SLC1A7: variants seen among roughly 807,000 people sequenced by gnomAD.
The protein encoded by SLC1A7 is excitatory amino acid transporter 5.
A neutral mutation model predicts 47.7 loss-of-function variants in SLC1A7; 40 were observed. The observed-to-expected ratio is 0.84, with a 90% CI of 0.65 to 1.09. The LOEUF (loss-of-function observed/expected upper bound fraction) is 1.09. Among genes scored for constraint, SLC1A7 ranks in the 50% least tolerant of loss-of-function variants. SLC1A7 has a pLI of 0.00. For synonymous variants in SLC1A7, 323 were observed against 325.6 expected (o/e 0.99, Z 0.09); for missense variants, 746 against 769.5 (o/e 0.97, Z 0.36).
In SLC1A7 at chr1:53,140,677, C is replaced by T. The variant is rs546598767; in HGVS notation, c.135+1638G>A. 3.9e-5 allele frequency among the ~76,000 whole-genome samples: 6 copies of T among 152,294 alleles called. No individual in the cohort carries two copies. In the South Asian group the frequency reaches 1.2e-3, roughly 32 times the overall value. On this transcript the variant is annotated intron_variant, in intron 1 of 10. Transcript: ENST00000371494. Reference sequence around the variant, plus strand: ...GGAAGTAACACGTAGTAAGCACCTACTGTATGCTGGGCATTGATGAATCCT... The same window carrying T: ...GGAAGTAACACGTAGTAAGCACCTATTGTATGCTGGGCATTGATGAATCCT...
chr1:53,093,627 C>A, intron 5 of SLC1A7, 67 bp from the exon 6 acceptor site: 1 of 1,279,938 alleles, frequency 7.8e-7, no homozygotes, highest in Non-Finnish European at 1.1e-6. Flanking sequence ...TGGGTCTCAG[C>A]ATGGCTGGCT....
At chr1:53,120,939 G>A (rs1330122199) in intron 2 of SLC1A7, among the ~76,000 whole-genome samples, 1 of 152,254 alleles carries the variant, frequency 6.6e-6, no homozygotes, top group Non-Finnish European at 1.5e-5. Flanking sequence ...CACTCACTGC[G>A]AGCCCTTGGG....
chr1:53,136,201 T>A (rs1644991977), intron 1 of SLC1A7, among the ~76,000 whole-genome samples: 2 of 147,738 alleles, frequency 1.4e-5, no homozygotes, highest in Non-Finnish European at 3.0e-5. Flanking sequence ...TATATATATA[T>A]ATTTTTTAGA....
At chr1:53,134,307 A>T in intron 2 of SLC1A7, 43 bp downstream of exon 2, 1 of 1,446,290 alleles carries the variant, frequency 6.9e-7, no homozygotes, top group South Asian at 1.2e-5. Context: ...GCCATCCTCT[A>T]CCCTCCTGGT....
At chr1:53,104,141 C>T (rs549708227) in intron 4 of SLC1A7, among the ~76,000 whole-genome samples, 2 of 152,308 alleles carry the variant, frequency 1.3e-5, no homozygotes, top group African/African-American at 4.8e-5. Flanking sequence ...AAAAAGGGAG[C>T]CTCCTCTCCC....
chr1:53,107,252 C>G (rs193233679), intron 3 of SLC1A7, among the ~76,000 whole-genome samples: 150 of 150,892 alleles, frequency 9.9e-4, no homozygotes, highest in Middle Eastern at 6.8e-3. Flanking sequence ...GGAAATGACT[C>G]TCTAAGAACA....
At position 53,134,408 on chromosome 1, in the gene SLC1A7, G is replaced by T; in HGVS notation, c.157C>A (p.Pro53Thr). 6.2e-7 allele frequency: 1 copy of T among 1,612,416 alleles called. No homozygotes were observed. The highest frequency in any genetic ancestry group is 1.3e-5 in the African/African-American group (1 of 75,036). Residue 53 changes from proline to threonine, a missense_variant, in exon 2 of 11, where the codon CCT becomes ACT. Coordinates refer to ENST00000371494, the MANE Select transcript of SLC1A7 (RefSeq NM_006671.6). ...AGCATCCTCATCAGGAGCTCTCCAG[G>T]GAACTGGAAGTAACTAATTTCCTGA... Reference protein sequence around the residue: ...SPQEISYFQFPGELLMRMLKM... With the variant: ...SPQEISYFQFTGELLMRMLKM...
In SLC1A7 at chr1:53,090,797, T is replaced by A. The variant is rs773925722; in HGVS notation, c.1041A>T (p.Thr347=). 2 of 1,611,558 alleles carry A rather than the reference T, an allele frequency of 1.2e-6. No homozygotes were observed. Among genetic ancestry groups the A allele is most frequent in the Non-Finnish European group, 1.7e-6 (2 of 1,178,970 alleles). The change falls in exon 8 of 11, where the codon ACA becomes ACT. Residue 347 remains threonine, a synonymous_variant. Coordinates refer to ENST00000371494, the MANE Select transcript of SLC1A7 (RefSeq NM_006671.6). ...GCAGGCACTTGAAGGTGATGGGCAG[T>A]GTGGCTGAGCTACGGTTAGAGGGGC... is the stretch of plus-strand genomic sequence containing the variant. ...IALATSSSSA[T]LPITFKCLLE...
At chr1:53,090,482 C>T in intron 8 of SLC1A7, 130 bp downstream of exon 8, 1 of 1,383,350 alleles carries the variant, frequency 7.2e-7, no homozygotes, top group Non-Finnish European at 9.5e-7. Flanking sequence ...GCTCCCAGCC[C>T]TGGCCCTCTG....
chr1:53,120,344 C>T (rs1313546128), intron 2 of SLC1A7, among the ~76,000 whole-genome samples: 3 of 152,122 alleles, frequency 2.0e-5, no homozygotes, highest in Admixed American at 6.5e-5. Flanking sequence ...CCCACGAAGT[C>T]GAAGTTGTAG....
At position 53,090,496 on chromosome 1, in the gene SLC1A7, G is replaced by T. The variant is rs185801952; in HGVS notation, c.1226+116C>A. The stretch of plus-strand genomic sequence containing the variant: ...AGCTCCCAGCCCTGGCCCTCTGCCT[G>T]CTGTGCTCCGAGCCCAGGCTCGCTC... On this transcript the variant is annotated intron_variant, in intron 8 of 10. Coordinates refer to ENST00000371494, the MANE Select transcript of SLC1A7 (RefSeq NM_006671.6). 210 of 1,416,248 alleles carry T rather than the reference G, an allele frequency of 1.5e-4. 1 individual carries two copies. In the East Asian group the frequency reaches 4.9e-3, roughly 33 times the overall value. The allele number at this position is 1,416,248 out of a possible 1,614,324, so 87.7% of individuals were successfully genotyped here.
intron 3 of SLC1A7, among the ~76,000 whole-genome samples, chr1:53,112,259 T>C (rs75651533): frequency 0.017 from 2,602 of 152,310 alleles, 79 homozygotes; most frequent in African/African-American, 0.06. Flanking sequence ...GTCGCCACCA[T>C]GAAACAAATC....
intron 3 of SLC1A7, chr1:53,108,528 C>A: frequency 1.4e-6 from 1 of 715,996 alleles, no homozygotes; most frequent in Non-Finnish European, 2.6e-6. Flanking sequence ...GGGTGGCCAT[C>A]GAGAGGTGAG....
intron 3 of SLC1A7, among the ~76,000 whole-genome samples, chr1:53,109,568 T>C (rs1644680834): frequency 6.6e-6 from 1 of 152,172 alleles, no homozygotes; most frequent in Non-Finnish European, 1.5e-5. Flanking sequence ...TGGTGTGCCT[T>C]ATGTCCCCAC....
In SLC1A7 at chr1:53,087,815, A is replaced by C; in HGVS notation, c.*194T>G. 2 of 389,960 alleles carry C rather than the reference A, an allele frequency of 5.1e-6. No individual in the cohort carries two copies. The highest frequency in any genetic ancestry group is 3.7e-5 in the East Asian group (1 of 27,194). The allele number at this position is 389,960 out of a possible 1,614,324, so 24.2% of individuals were successfully genotyped here. ...CAATGCCGGGCCCATCACTCCCTAG[A>C]TGGGGCTCCCCCATGCAGCCTTTCC... On this transcript the variant is annotated 3_prime_UTR_variant, in exon 11 of 11. Transcript: ENST00000371494.
intron 7 of SLC1A7, among the ~76,000 whole-genome samples, chr1:53,091,452 G>A (rs1334462641): frequency 6.6e-6 from 1 of 152,240 alleles, no homozygotes; most frequent in Admixed American, 6.5e-5. Context: ...GCTTGAGGCT[G>A]CGGTTCCTGC....
intron 7 of SLC1A7, chr1:53,091,020 G>A: frequency 7.1e-7 from 1 of 1,401,214 alleles, no homozygotes; most frequent in Non-Finnish European, 9.5e-7. Context: ...TTACAGATGA[G>A]GAAGCTGACG....
intron 5 of SLC1A7, among the ~76,000 whole-genome samples, chr1:53,100,922 A>T (rs1274440277): frequency 6.9e-6 from 1 of 145,292 alleles, no homozygotes; most frequent in Admixed American, 6.8e-5. Flanking sequence ...ACCCCACCTC[A>T]GTCCACTCAC....
intron 2 of SLC1A7, chr1:53,115,178 A>G: frequency 1.7e-6 from 1 of 598,322 alleles, no homozygotes; most frequent in Non-Finnish European, 3.0e-6. Context: ...CAGGCCACAC[A>G]CATCTGTGCC....
Sources: gnomAD v4.1 joint callset for allele counts (sites outside exome capture counted in the v4.1 genomes callset) on GRCh38, gnomAD v4.1.1 for gene constraint, MANE v1.5 for transcripts, NCBI Gene and HGNC (gene_info 2026-07-23, HGNC 2026-07-21) for gene names.